Variants in RFX3 observed in about 807,000 individuals in gnomAD.
The protein encoded by RFX3 is regulatory factor X3.
A neutral mutation model predicts 98.6 loss-of-function variants in RFX3; 14 were observed. The ratio of observed to expected loss-of-function variants is 0.14; its 90% CI spans 0.09 to 0.22. The LOEUF (loss-of-function observed/expected upper bound fraction) is 0.22. Ranked by LOEUF, RFX3 falls within the 10% of genes least tolerant of loss-of-function variation. The pLI is 1.00. For synonymous variants in RFX3, 383 were observed against 328.4 expected (o/e 1.17, Z -1.80); for missense variants, 639 against 926.9 (o/e 0.69, Z 4.03).
At chr9:3,265,954 T>C (rs34915722) in intron 12 of RFX3, among the ~76,000 whole-genome samples, 3 of 152,068 alleles carry the variant, frequency 2.0e-5, no homozygotes, top group Admixed American at 1.3e-4. Context: ...TACTATATTG[T>C]TTAGAAAGAG....
chr9:3,508,118 C>T (rs576095483), intron 1 of RFX3, among the ~76,000 whole-genome samples: 1 of 151,958 alleles, frequency 6.6e-6, no homozygotes, highest in East Asian at 1.9e-4. Context: ...TCAAAAAAAC[C>T]TTCTTTTTAG....
chr9:3,334,334 A>C (rs984730896), intron 3 of RFX3, among the ~76,000 whole-genome samples: 1 of 152,246 alleles, frequency 6.6e-6, no homozygotes, highest in African/African-American at 2.4e-5. Context: ...CCATTTCAGA[A>C]GATACTTACC....
chr9:3,248,948 A>T (rs1821028968), intron 14 of RFX3, among the ~76,000 whole-genome samples: 1 of 152,206 alleles, frequency 6.6e-6, no homozygotes, highest in Non-Finnish European at 1.5e-5. Flanking sequence ...CCAAAATAAA[A>T]TCTTGGCTTC....
chr9:3,320,348 T>C (rs1248207179), intron 4 of RFX3, among the ~76,000 whole-genome samples: 2 of 151,800 alleles, frequency 1.3e-5, no homozygotes, highest in African/African-American at 2.4e-5. Context: ...AGGCCAGGAG[T>C]TTGAGACCAG....
intron 2 of RFX3, among the ~76,000 whole-genome samples, chr9:3,371,756 G>A (rs1837888059): frequency 6.6e-6 from 1 of 152,148 alleles, no homozygotes; most frequent in African/African-American, 2.4e-5. Flanking sequence ...GTAGAGAACA[G>A]AAGGCTAGTA....
chr9:3,235,055 T>G (rs930666698), intron 15 of RFX3, among the ~76,000 whole-genome samples: 4 of 152,202 alleles, frequency 2.6e-5, no homozygotes, highest in African/African-American at 9.6e-5. Flanking sequence ...CCAAAGCTGG[T>G]GTTTAATTGT....
intron 1 of RFX3, among the ~76,000 whole-genome samples, chr9:3,451,833 G>GTT (rs369638471): frequency 3.6e-5 from 5 of 139,256 alleles, no homozygotes; most frequent in African/African-American, 5.2e-5. Context: ...TATTTTAAAA[G>GTT]TTTTTTTTTT....
intron 1 of RFX3, chr9:3,524,583 A>AT (rs1186932490): frequency 1.0e-6 from 1 of 981,066 alleles, no homozygotes; most frequent in Non-Finnish European, 1.2e-6. Context: ...TTAAAGTACC[A>AT]TAACTGTCAC....
chr9:3,369,447 A>C (rs1409720863), intron 2 of RFX3, among the ~76,000 whole-genome samples: 1 of 152,214 alleles, frequency 6.6e-6, no homozygotes, highest in East Asian at 1.9e-4. Flanking sequence ...TAAGGATTTC[A>C]GTATATAAAT....
At chr9:3,478,078 A>G (rs1054509809) in intron 1 of RFX3, among the ~76,000 whole-genome samples, 3 of 152,074 alleles carry the variant, frequency 2.0e-5, no homozygotes, top group Non-Finnish European at 4.4e-5. Context: ...GGTTTCATTT[A>G]GTTCTTTGAA....
At chr9:3,306,891 G>C (rs1024282107) in intron 4 of RFX3, among the ~76,000 whole-genome samples, 1 of 152,056 alleles carries the variant, frequency 6.6e-6, no homozygotes, top group Non-Finnish European at 1.5e-5. Flanking sequence ...AATATGGTTT[G>C]GGTCTGTGTC....
In RFX3 at chr9:3,293,319, G is replaced by A. The variant is rs1482796295; in HGVS notation, c.550-61C>T. 7.1e-6 allele frequency: 9 copies of A among 1,260,880 alleles called. No individual in the cohort carries two copies. In the East Asian group the frequency reaches 1.7e-4, roughly 24 times the overall value. The allele number at this position is 1,260,880 out of a possible 1,614,324, so 78.1% of individuals were successfully genotyped here. A position where few individuals can be genotyped will look rare whatever the true frequency, so the allele number is the denominator to read the frequency against. ...ACATAATTTGCCAAAATTTCTACAA[G>A]ACACTGCAAATGCAACATACAGAAA... On this transcript the variant is annotated intron_variant, in intron 5 of 16. Coordinates refer to ENST00000617270, the MANE Select transcript of RFX3 (RefSeq NM_001282116.2).
chr9:3,397,989 G>C (rs1305464837), intron 1 of RFX3, among the ~76,000 whole-genome samples: 2 of 152,192 alleles, frequency 1.3e-5, no homozygotes, highest in African/African-American at 4.8e-5. Context: ...AATACTCCTA[G>C]ATGGGTTAGC....
chr9:3,422,001 T>TA (rs34739292), intron 1 of RFX3, among the ~76,000 whole-genome samples: 48,820 of 144,528 alleles, frequency 0.34, 11,824 homozygotes, highest in African/African-American at 0.7. Flanking sequence ...GTGACTCTTC[T>TA]AAAAAAAAAA....
At chr9:3,357,356 C>T (rs1204052681) in intron 2 of RFX3, among the ~76,000 whole-genome samples, 1 of 151,932 alleles carries the variant, frequency 6.6e-6, no homozygotes, top group Non-Finnish European at 1.5e-5. Flanking sequence ...CAATAGAAAT[C>T]CACTATTTCC....
At position 3,417,701 on chromosome 9, in the gene RFX3, CAAATCAACA is replaced by C. The variant is rs377572828; in HGVS notation, c.-8-22114_-8-22106del. Reference sequence around the variant, plus strand: ...AAAGAAAAAGAATTAAATGACTAAACAAATCAACAGTTTTACAAGTGAACAATTTCAGAA... The same window carrying C: ...AAAGAAAAAGAATTAAATGACTAAACGTTTTACAAGTGAACAATTTCAGAA... On this transcript the variant is annotated intron_variant, in intron 1 of 16. Coordinates refer to ENST00000617270, the MANE Select transcript of RFX3 (RefSeq NM_001282116.2). Among the ~76,000 whole-genome samples, 292 of 152,106 alleles carry C rather than the reference CAAATCAACA, an allele frequency of 1.9e-3. 1 individual carries two copies. The highest frequency in any genetic ancestry group is 6.8e-3 in the African/African-American group (282 of 41,522).
chr9:3,347,525 T>TA (rs1834579557), intron 2 of RFX3, among the ~76,000 whole-genome samples: 1 of 152,052 alleles, frequency 6.6e-6, no homozygotes, highest in Non-Finnish European at 1.5e-5. Flanking sequence ...CAGGATTATT[T>TA]AAAAGTAATT....
intron 14 of RFX3, among the ~76,000 whole-genome samples, chr9:3,251,561 G>A (rs1197483390): frequency 6.6e-6 from 1 of 151,616 alleles, no homozygotes; most frequent in African/African-American, 2.4e-5. Flanking sequence ...TCGAACTCCT[G>A]GACTCAACTG....
At chr9:3,493,606 C>A (rs1266234163) in intron 1 of RFX3, among the ~76,000 whole-genome samples, 1 of 148,272 alleles carries the variant, frequency 6.7e-6, no homozygotes, top group Non-Finnish European at 1.5e-5. Flanking sequence ...ATGGTGTGAA[C>A]CCAGGAGGCA....
Sources: allele counts gnomAD v4.1 joint callset (sites outside exome capture counted in the v4.1 genomes callset), GRCh38; gene constraint gnomAD v4.1.1; transcripts MANE v1.5; gene names NCBI Gene and HGNC (gene_info 2026-07-23, HGNC 2026-07-21).